Variants in EYS observed in about 807,000 individuals in gnomAD.
EYS encodes the protein EGF-like photoreceptor maintenance factor, also known as protein eyes shut homolog.
Under a neutral mutation model 282.1 loss-of-function variants are expected in EYS, and 250 were observed. The ratio of observed to expected loss-of-function variants is 0.89; its 90% CI spans 0.80 to 0.98. EYS has a LOEUF of 0.98. EYS is among the 50% of genes least tolerant of loss of function. The pLI is 0.00. For missense variants in EYS, 4,016 were observed against 3,709.0 expected, an observed-to-expected ratio of 1.08 and a Z score of -2.15; for synonymous variants, 1,355 against 1,282.9, an observed-to-expected ratio of 1.06 and a Z score of -1.20.
At chr6:64,151,311 GTA>G (rs1262887344) in intron 31 of EYS, among the ~76,000 whole-genome samples, 34 of 87,168 alleles carry the variant, frequency 3.9e-4, no homozygotes, top group Middle Eastern at 0.012. Flanking sequence ...GTGTGTGTGT[GTA>G]TATTTATATA....
At chr6:65,276,413 G>T in intron 12 of EYS, among the ~76,000 whole-genome samples, 1 of 142,200 alleles carries the variant, frequency 7.0e-6, no homozygotes, top group Admixed American at 7.0e-5. Context: ...ACCCAGAAAA[G>T]AAAAAAAAAA....
chr6:65,534,145 T>A (rs996162181), intron 2 of EYS, among the ~76,000 whole-genome samples: 2 of 152,118 alleles, frequency 1.3e-5, no homozygotes, highest in Admixed American at 1.3e-4. Flanking sequence ...ATTTTGGCCT[T>A]GATTTGGCAA....
chr6:63,956,470 T>C (rs1765827170), intron 35 of EYS, among the ~76,000 whole-genome samples: 1 of 152,194 alleles, frequency 6.6e-6, no homozygotes, highest in South Asian at 2.1e-4. Context: ...TAAAAAGCTT[T>C]ATCGCTCACA....
At chr6:64,854,659 G>T (rs1328446215) in intron 19 of EYS, among the ~76,000 whole-genome samples, 1 of 151,708 alleles carries the variant, frequency 6.6e-6, no homozygotes, top group Non-Finnish European at 1.5e-5. Flanking sequence ...GAGTTACTGG[G>T]TGCAGCACAC....
chr6:65,262,543 A>C (rs571150506), intron 12 of EYS, among the ~76,000 whole-genome samples: 1 of 152,062 alleles, frequency 6.6e-6, no homozygotes, highest in Non-Finnish European at 1.5e-5. Flanking sequence ...TTGCATTCCC[A>C]TAAGTCTCAG....
chr6:64,326,849 A>G (rs1187683398), intron 29 of EYS, among the ~76,000 whole-genome samples: 6 of 152,124 alleles, frequency 3.9e-5, no homozygotes, highest in Non-Finnish European at 7.4e-5. Context: ...AACCACAGTA[A>G]GGTTTGGGCC....
chr6:65,122,642 C>A (rs1775594226), intron 12 of EYS, among the ~76,000 whole-genome samples: 1 of 151,870 alleles, frequency 6.6e-6, no homozygotes. Flanking sequence ...TCTTTTGATG[C>A]CATAGTTTGA....
chr6:65,299,411 C>T (rs113766825), intron 11 of EYS, among the ~76,000 whole-genome samples: 2,800 of 152,020 alleles, frequency 0.018, 77 homozygotes, highest in African/African-American at 0.064. Context: ...CCTGACCCCC[C>T]CCAAAAAACA....
chr6:65,706,947 G>C (rs1373659970), intron 1 of EYS, among the ~76,000 whole-genome samples, 188 bp downstream of exon 1: 1 of 152,092 alleles, frequency 6.6e-6, no homozygotes, highest in Non-Finnish European at 1.5e-5. Context: ...GATTCAAACA[G>C]AATGAATATC....
intron 7 of EYS, among the ~76,000 whole-genome samples, chr6:65,401,284 T>C (rs1046392519): frequency 6.6e-6 from 1 of 151,850 alleles, no homozygotes; most frequent in Non-Finnish European, 1.5e-5. Flanking sequence ...CTGTCATTTT[T>C]TTCAACTTCA....
At chr6:64,449,354 C>T (rs546474369) in intron 26 of EYS, among the ~76,000 whole-genome samples, 5 of 152,068 alleles carry the variant, frequency 3.3e-5, no homozygotes, top group Admixed American at 6.6e-5. Context: ...TATGGGACTA[C>T]GTGAAAAGAC....
At chr6:65,169,583 G>A (rs1439830127) in intron 12 of EYS, among the ~76,000 whole-genome samples, 1 of 151,174 alleles carries the variant, frequency 6.6e-6, no homozygotes, top group Non-Finnish European at 1.5e-5. Flanking sequence ...TTCAATTATG[G>A]TACTTTTTAC....
chr6:64,729,822 T>C (rs978492750), intron 22 of EYS, among the ~76,000 whole-genome samples: 2 of 152,148 alleles, frequency 1.3e-5, no homozygotes, highest in Non-Finnish European at 2.9e-5. Context: ...ATTTCATCAA[T>C]ACACAAGGAG....
At chr6:63,778,668 G>T (rs1770129745) in intron 39 of EYS, among the ~76,000 whole-genome samples, 1 of 152,002 alleles carries the variant, frequency 6.6e-6, no homozygotes, top group South Asian at 2.1e-4. Flanking sequence ...TATCTTATGT[G>T]TATATCTTTG....
At chr6:65,017,091 C>T (rs978867547) in intron 13 of EYS, among the ~76,000 whole-genome samples, 3 of 152,124 alleles carry the variant, frequency 2.0e-5, no homozygotes, top group Admixed American at 1.3e-4. Flanking sequence ...CCCATTCCCT[C>T]CCAGCTTCCT....
intron 22 of EYS, among the ~76,000 whole-genome samples, chr6:64,682,273 T>G (rs1157268044): frequency 6.6e-6 from 1 of 151,680 alleles, no homozygotes; most frequent in Non-Finnish European, 1.5e-5. Flanking sequence ...GAGGCTGAGG[T>G]GGGAGAATGG....
chr6:64,457,180 T>G (rs1247649602), intron 26 of EYS, among the ~76,000 whole-genome samples: 1 of 152,026 alleles, frequency 6.6e-6, no homozygotes, highest in Admixed American at 6.6e-5. Context: ...TTTTCCAATA[T>G]TTCTTTTGTT....
At chr6:65,195,577 T>C (rs1465992876) in intron 12 of EYS, among the ~76,000 whole-genome samples, 1 of 151,958 alleles carries the variant, frequency 6.6e-6, no homozygotes, top group East Asian at 1.9e-4. Context: ...ATTGAGAAAT[T>C]TTGAGGTAGT....
intron 31 of EYS, among the ~76,000 whole-genome samples, chr6:64,169,550 A>G (rs1764414033): frequency 1.3e-5 from 2 of 152,112 alleles, no homozygotes; most frequent in Non-Finnish European, 2.9e-5. Context: ...AGAGGGTCCT[A>G]AGACAGGAAA....
Sources: allele counts gnomAD v4.1 joint callset (sites outside exome capture counted in the v4.1 genomes callset), GRCh38; gene constraint gnomAD v4.1.1; transcripts MANE v1.5; gene names NCBI Gene and HGNC (gene_info 2026-07-23, HGNC 2026-07-21).